The following ADARB2 variants were observed in gnomAD, a reference collection of about 807,000 sequenced individuals.
The protein encoded by ADARB2 is inactive double-stranded RNA-specific editase B2.
ADARB2 carries 25 observed loss-of-function variants against 62.2 expected under a neutral mutation model. The observed-to-expected ratio is 0.40, with a 90% CI of 0.29 to 0.56. The LOEUF (loss-of-function observed/expected upper bound fraction) is 0.56, where lower values mean the gene tolerates loss of function less well. ADARB2 is among the 20% of genes least tolerant of loss of function. ADARB2 has a pLI of 0.43. For missense variants in ADARB2, 1,071 were observed against 1,077.4 expected (o/e 0.99, Z 0.08); for synonymous variants, 572 against 500.8 (o/e 1.14, Z -1.90).
At chr10:1,439,777 G>A (rs892904416) in intron 1 of ADARB2, among the ~76,000 whole-genome samples, 7 of 142,306 alleles carry the variant, frequency 4.9e-5, no homozygotes, top group Middle Eastern at 4.0e-3. Context: ...GTGTCCCCCA[G>A]GACAGAGGCA....
intron 1 of ADARB2, among the ~76,000 whole-genome samples, chr10:1,706,691 A>T (rs78430117): frequency 0.013 from 1,918 of 152,338 alleles, 45 homozygotes; most frequent in African/African-American, 0.044. Context: ...GAGAATCAGA[A>T]GCCTGGTTTC....
chr10:1,597,035 T>C (rs1318288440), intron 1 of ADARB2, among the ~76,000 whole-genome samples: 1 of 152,110 alleles, frequency 6.6e-6, no homozygotes, highest in Non-Finnish European at 1.5e-5. Flanking sequence ...CTCAAGAAAG[T>C]TCACTAGAAC....
intron 1 of ADARB2, among the ~76,000 whole-genome samples, chr10:1,516,637 C>T (rs935069003): frequency 2.0e-5 from 3 of 152,172 alleles, no homozygotes; most frequent in Non-Finnish European, 2.9e-5. Context: ...CGTTTTATGC[C>T]TTAATAAGGG....
chr10:1,496,352 A>G (rs1831691553), intron 1 of ADARB2, among the ~76,000 whole-genome samples: 1 of 151,946 alleles, frequency 6.6e-6, no homozygotes, highest in Admixed American at 6.6e-5. Context: ...CATTATCATC[A>G]TTGTCATCAG....
At chr10:1,495,114 A>G (rs1831669950) in intron 1 of ADARB2, among the ~76,000 whole-genome samples, 1 of 152,212 alleles carries the variant, frequency 6.6e-6, no homozygotes, top group Non-Finnish European at 1.5e-5. Context: ...AGTTTACATG[A>G]TTTAGCTGAT....
chr10:1,696,999 G>A (rs1223284693), intron 1 of ADARB2, among the ~76,000 whole-genome samples: 3 of 151,674 alleles, frequency 2.0e-5, no homozygotes, highest in Non-Finnish European at 2.9e-5. Flanking sequence ...ATTAGCTATC[G>A]TTAATGTTAG....
chr10:1,519,441 G>A (rs539725271), intron 1 of ADARB2, among the ~76,000 whole-genome samples: 1 of 152,298 alleles, frequency 6.6e-6, no homozygotes, highest in East Asian at 1.9e-4. Flanking sequence ...ATTGTCATAT[G>A]AATGCATTCT....
chr10:1,422,865 T>C (rs1832863077), intron 1 of ADARB2, among the ~76,000 whole-genome samples: 1 of 151,938 alleles, frequency 6.6e-6, no homozygotes, highest in Non-Finnish European at 1.5e-5. Context: ...CCGCCTGGGG[T>C]CTACCCCATC....
At chr10:1,697,956 G>A (rs1014683308) in intron 1 of ADARB2, among the ~76,000 whole-genome samples, 2 of 152,216 alleles carry the variant, frequency 1.3e-5, no homozygotes, top group Admixed American at 1.3e-4. Flanking sequence ...GTTGGGAATG[G>A]ATAGTTTCTT....
chr10:1,301,885 C>A (rs1175630455), intron 3 of ADARB2, among the ~76,000 whole-genome samples: 1 of 152,226 alleles, frequency 6.6e-6, no homozygotes, highest in African/African-American at 2.4e-5. Flanking sequence ...CCTCTATTAT[C>A]AAAGTCCCCA....
intron 1 of ADARB2, among the ~76,000 whole-genome samples, chr10:1,576,561 A>T (rs1033833706): frequency 3.3e-5 from 5 of 152,130 alleles, no homozygotes; most frequent in African/African-American, 1.2e-4. Flanking sequence ...GACCCCAGGG[A>T]TAAGCAGTGC....
At chr10:1,227,112 C>T (rs909319987) in intron 6 of ADARB2, among the ~76,000 whole-genome samples, 39 of 152,338 alleles carry the variant, frequency 2.6e-4, no homozygotes, top group African/African-American at 8.2e-4. Context: ...CAATGGCGGG[C>T]GCCCCTCCCC....
chr10:1,510,148 CT>C (rs1831915426), intron 1 of ADARB2, among the ~76,000 whole-genome samples: 1 of 123,194 alleles, frequency 8.1e-6, no homozygotes, highest in African/African-American at 3.2e-5. Flanking sequence ...TTCTTTCTTT[CT>C]TTCTTTCTTT....
chr10:1,506,724 G>T (rs1180867035), intron 1 of ADARB2, among the ~76,000 whole-genome samples: 1 of 152,228 alleles, frequency 6.6e-6, no homozygotes, highest in Non-Finnish European at 1.5e-5. Flanking sequence ...ATAAGTACCC[G>T]CTGTGGACTG....
intron 3 of ADARB2, among the ~76,000 whole-genome samples, chr10:1,340,830 C>T (rs1208011034): frequency 6.8e-6 from 1 of 146,516 alleles, no homozygotes; most frequent in Non-Finnish European, 1.5e-5. Flanking sequence ...CAGCATCCAC[C>T]AGAGAACCAC....
rs375498397 is a variant in ADARB2, at chr10:1,704,826, G to A, written c.100+32225C>T. On this transcript the variant is annotated intron_variant, in intron 1 of 9. Transcript: ENST00000381312. This position sits in a 1 kb window ranked among gnomAD's most constrained non-coding sequence, Gnocchi z 5.6. ...TAAAGGGGCAGGGAGTATTGAGAAC[G>A]GTGAGCTTGCATATGCCAGCCTGAG... 5.8e-4 allele frequency among the ~76,000 whole-genome samples: 88 copies of A among 152,270 alleles called. 1 individual carries two copies. Among genetic ancestry groups the A allele is most frequent in the Admixed American group, 4.6e-4 (7 of 15,298 alleles).
intron 1 of ADARB2, among the ~76,000 whole-genome samples, chr10:1,694,658 C>A (rs190239578): frequency 5.5e-4 from 84 of 152,272 alleles, no homozygotes; most frequent in Middle Eastern, 3.4e-3. Flanking sequence ...ATCGATCAAT[C>A]CTATTGAAGA....
intron 7 of ADARB2, among the ~76,000 whole-genome samples, chr10:1,212,010 C>G (rs997905259): frequency 1.3e-5 from 2 of 152,234 alleles, no homozygotes; most frequent in Non-Finnish European, 2.9e-5. Flanking sequence ...CTGCGCCGGG[C>G]ATGGTGCCTC....
At chr10:1,454,233 G>T (rs770239189) in intron 1 of ADARB2, among the ~76,000 whole-genome samples, 8 of 152,154 alleles carry the variant, frequency 5.3e-5, no homozygotes, top group Admixed American at 5.2e-4. Flanking sequence ...GCATGGGAAA[G>T]ACCCACCCCC....
Sources: allele counts gnomAD v4.1 joint callset (sites outside exome capture counted in the v4.1 genomes callset), GRCh38; gene constraint gnomAD v4.1.1; non-coding constraint Gnocchi (gnomAD v3.1); transcripts MANE v1.5; gene names NCBI Gene and HGNC (gene_info 2026-07-23, HGNC 2026-07-21).